The following FBXL13 variants were observed in gnomAD, a reference collection of about 807,000 sequenced individuals.
FBXL13 encodes the protein F-box and leucine-rich repeat protein 13.
FBXL13 carries 67 observed loss-of-function variants against 83.6 expected under a neutral mutation model. That is an observed-to-expected ratio of 0.80 (90% confidence interval 0.66 to 0.98). The LOEUF (loss-of-function observed/expected upper bound fraction) is 0.98. Among genes scored for constraint, FBXL13 ranks in the 50% least tolerant of loss-of-function variants. The pLI is 0.00. For synonymous variants in FBXL13, 272 were observed against 299.5 expected, an observed-to-expected ratio of 0.91 and a Z score of 0.95; for missense variants, 822 against 866.5, an observed-to-expected ratio of 0.95 and a Z score of 0.64.
chr7:102,930,262 T>G (rs1185495423), intron 9 of FBXL13, among the ~76,000 whole-genome samples: 1 of 152,176 alleles, frequency 6.6e-6, no homozygotes, highest in African/African-American at 2.4e-5. Context: ...ATGGTGGAGC[T>G]GGTGCCTCAT....
At chr7:102,948,735 A>G (rs1698040190) in intron 8 of FBXL13, among the ~76,000 whole-genome samples, 1 of 148,420 alleles carries the variant, frequency 6.7e-6, no homozygotes, top group South Asian at 2.1e-4. Context: ...TTTTTTTGAC[A>G]CAGTCTCGCT....
intron 6 of FBXL13, among the ~76,000 whole-genome samples, chr7:102,969,592 T>C (rs1826370343): frequency 6.6e-6 from 1 of 151,988 alleles, no homozygotes; most frequent in Admixed American, 6.6e-5. Flanking sequence ...GTGGATTGCT[T>C]GAGGTCAGGA....
chr7:102,843,450 C>CA (rs1202908360), intron 17 of FBXL13, among the ~76,000 whole-genome samples: 2 of 151,272 alleles, frequency 1.3e-5, no homozygotes, highest in African/African-American at 4.9e-5. Flanking sequence ...AAAACAAAAA[C>CA]AAAAACAAAA....
At chr7:102,854,332 G>A (rs1191688297) in intron 17 of FBXL13, among the ~76,000 whole-genome samples, 1 of 152,000 alleles carries the variant, frequency 6.6e-6, no homozygotes, top group African/African-American at 2.4e-5. Context: ...GAGAACACAT[G>A]GACACAGGAA....
exon 3 of FBXL13, chr7:103,029,373 G>T: frequency 6.5e-7 from 1 of 1,547,352 alleles, no homozygotes; most frequent in East Asian, 2.4e-5. Flanking sequence ...TTTACTAAAT[G>T]TCCAGTATAA....
At chr7:102,983,773 G>A (rs1463000087) in intron 6 of FBXL13, among the ~76,000 whole-genome samples, 1 of 152,052 alleles carries the variant, frequency 6.6e-6, no homozygotes, top group Non-Finnish European at 1.5e-5. Flanking sequence ...GTATAAAAGT[G>A]GGTCACCGGA....
intron 6 of FBXL13, among the ~76,000 whole-genome samples, chr7:102,986,473 C>T (rs1175983067): frequency 2.0e-5 from 3 of 152,100 alleles, no homozygotes; most frequent in Admixed American, 1.3e-4. Context: ...GGTCCCTGTG[C>T]CCAAGCTGGG....
intron 6 of FBXL13, among the ~76,000 whole-genome samples, chr7:103,019,586 T>C (rs1792868087): frequency 1.3e-5 from 2 of 151,764 alleles, no homozygotes; most frequent in Non-Finnish European, 2.9e-5. Flanking sequence ...GCAAGACTCA[T>C]AAAGAAGAAA....
At chr7:103,045,311 A>G (rs1158497139) in intron 2 of FBXL13, among the ~76,000 whole-genome samples, 1 of 152,208 alleles carries the variant, frequency 6.6e-6, no homozygotes, top group East Asian at 1.9e-4. Context: ...TTGTCTATCT[A>G]TTAAGCTAGG....
At chr7:102,877,430 A>ACAG in intron 16 of FBXL13, 37 bp downstream of exon 17, 1 of 1,474,588 alleles carries the variant, frequency 6.8e-7, no homozygotes, top group South Asian at 1.4e-5. Context: ...ATTATAGAAA[A>ACAG]CAATAAAAGT....
intron 6 of FBXL13, among the ~76,000 whole-genome samples, chr7:102,972,898 T>G (rs1444255930): frequency 6.6e-6 from 1 of 152,122 alleles, no homozygotes; most frequent in Admixed American, 6.5e-5. Flanking sequence ...TGTAGCTATC[T>G]ATTTTCTTTT....
downstream of FBXL13, among the ~76,000 whole-genome samples, chr7:102,812,866 G>A (rs1490399206): frequency 7.2e-6 from 1 of 138,826 alleles, no homozygotes; most frequent in Non-Finnish European, 1.5e-5. Context: ...TTTTTGAGAC[G>A]GAGTCTTGCT....
At chr7:102,829,009 G>C (rs1800199875) in intron 18 of FBXL13, among the ~76,000 whole-genome samples, 1 of 152,126 alleles carries the variant, frequency 6.6e-6, no homozygotes, top group South Asian at 2.1e-4. Flanking sequence ...TGAGGATAGG[G>C]GGTACTGACT....
intron 10 of FBXL13, among the ~76,000 whole-genome samples, chr7:102,921,611 C>T (rs765165677): frequency 6.6e-6 from 1 of 151,676 alleles, no homozygotes; most frequent in African/African-American, 2.4e-5. Context: ...ACCCAGGAGG[C>T]GGAGGCTATG....
chr7:102,882,089 C>T (rs1037396191), intron 14 of FBXL13, among the ~76,000 whole-genome samples: 10 of 151,898 alleles, frequency 6.6e-5, no homozygotes, highest in African/African-American at 1.7e-4. Context: ...AGTGAGACCC[C>T]GACTCTAGAA....
At chr7:102,877,362 A>G (rs1809408196) in intron 16 of FBXL13, 105 bp downstream of exon 17, 1 of 1,011,456 alleles carries the variant, frequency 9.9e-7, no homozygotes. Flanking sequence ...TTATAATAGA[A>G]TAACAAATAA....
intron 6 of FBXL13, among the ~76,000 whole-genome samples, chr7:103,015,977 G>A (rs908015558): frequency 2.6e-5 from 4 of 151,954 alleles, no homozygotes; most frequent in African/African-American, 9.7e-5. Context: ...TCTACAACAA[G>A]ATTTACAAAA....
rs1053893500 is a variant in FBXL13, at chr7:102,967,948, ACAGCTGGCTTCACAG to A, written c.591+59_591+73del. On this transcript the variant is annotated intron_variant, in intron 7 of 19. Coordinates refer to ENST00000313221, the Ensembl canonical transcript of FBXL13. ...GAGCATGGAAGAAGGTGTCCCCACA[ACAGCTGGCTTCACAG>A]CAGTCCATTCTCCTTTAAGAACTAG... is the stretch of plus-strand genomic sequence containing the variant. The A allele has an allele frequency of 1.8e-5, 21 of 1,145,040 alleles. No homozygotes were observed. The African/African-American group carries it at 3.0e-4, about 17-fold the overall frequency. 70.9% of individuals were successfully genotyped at this position (1,145,040 alleles called of 1,614,324 possible). A position where few individuals can be genotyped will look rare whatever the true frequency, so the allele number is the denominator to read the frequency against.
At chr7:102,893,808 G>A (rs1811855020) in intron 11 of FBXL13, among the ~76,000 whole-genome samples, 1 of 148,466 alleles carries the variant, frequency 6.7e-6, no homozygotes, top group South Asian at 2.2e-4. Context: ...AGGATGAGGA[G>A]GGAATGGGGG....
Sources: gnomAD v4.1 joint callset for allele counts (sites outside exome capture counted in the v4.1 genomes callset) on GRCh38, gnomAD v4.1.1 for gene constraint, MANE v1.5 for transcripts, NCBI Gene and HGNC (gene_info 2026-07-23, HGNC 2026-07-21) for gene names.